The following CA10 variants were observed in gnomAD, a reference collection of about 807,000 sequenced individuals.
CA10 encodes carbonic anhydrase 10 (inactive).
A neutral mutation model predicts 44.2 loss-of-function variants in CA10; 14 were observed. The observed-to-expected ratio is 0.32, with a 90% CI of 0.21 to 0.50. The LOEUF (loss-of-function observed/expected upper bound fraction) is 0.50. Among genes scored for constraint, CA10 ranks in the 20% least tolerant of loss-of-function variants. CA10 has a pLI of 0.99. For synonymous variants in CA10, 159 were observed against 141.6 expected (o/e 1.12, Z -0.87); for missense variants, 350 against 409.7 (o/e 0.85, Z 1.26).
chr17:52,015,105 C>T (rs900697713), intron 2 of CA10, among the ~76,000 whole-genome samples: 7 of 152,020 alleles, frequency 4.6e-5, no homozygotes, highest in Admixed American at 2.6e-4. Flanking sequence ...GATGTACTAA[C>T]GTCAGTGTAG....
chr17:51,946,376 C>G (rs183247), intron 2 of CA10, among the ~76,000 whole-genome samples: 8,714 of 152,240 alleles, frequency 0.057, 369 homozygotes, highest in Non-Finnish European at 0.085. Flanking sequence ...CTTCAATCTA[C>G]TGATCAGATG....
At chr17:51,632,167 C>T (rs1367599283) in intron 8 of CA10, among the ~76,000 whole-genome samples, 1 of 152,126 alleles carries the variant, frequency 6.6e-6, no homozygotes, top group Non-Finnish European at 1.5e-5. Flanking sequence ...GATTTTATGG[C>T]TTCAAAACTT....
chr17:51,826,543 T>C (rs1012005293), intron 3 of CA10, among the ~76,000 whole-genome samples: 1 of 152,198 alleles, frequency 6.6e-6, no homozygotes, highest in Non-Finnish European at 1.5e-5. Flanking sequence ...GATTTAATCA[T>C]GCTTAATTCA....
chr17:52,032,903 T>C (rs918463899), intron 2 of CA10, among the ~76,000 whole-genome samples: 1 of 152,204 alleles, frequency 6.6e-6, no homozygotes, highest in African/African-American at 2.4e-5. Context: ...TCAAAAATTC[T>C]GCAAGGACAA....
intron 1 of CA10, among the ~76,000 whole-genome samples, chr17:52,079,945 G>A (rs1987923788): frequency 6.6e-6 from 1 of 152,140 alleles, no homozygotes; most frequent in African/African-American, 2.4e-5. Flanking sequence ...AACTAGACAG[G>A]ACACTCAGAA....
chr17:51,865,574 A>T (rs1288735375), intron 3 of CA10, among the ~76,000 whole-genome samples: 1 of 152,180 alleles, frequency 6.6e-6, no homozygotes, highest in Non-Finnish European at 1.5e-5. Context: ...GTGGGGGGGA[A>T]CCAATATGCA....
At chr17:51,990,884 T>C (rs1567911245) in intron 2 of CA10, among the ~76,000 whole-genome samples, 1 of 152,060 alleles carries the variant, frequency 6.6e-6, no homozygotes, top group East Asian at 1.9e-4. Context: ...AAAAACCACT[T>C]GTATCATAGA....
At chr17:52,147,581 T>G (rs1314817996) in intron 1 of CA10, among the ~76,000 whole-genome samples, 1 of 149,300 alleles carries the variant, frequency 6.7e-6, no homozygotes, top group Non-Finnish European at 1.5e-5. Flanking sequence ...TAAAACAAAC[T>G]AAAAGGCCAC....
intron 2 of CA10, among the ~76,000 whole-genome samples, chr17:52,058,964 C>G (rs1290309689): frequency 6.6e-6 from 1 of 152,098 alleles, no homozygotes; most frequent in Non-Finnish European, 1.5e-5. Flanking sequence ...TCTGGCACAT[C>G]AGGCTCTGAG....
At chr17:51,929,195 A>C (rs541405983) in intron 3 of CA10, among the ~76,000 whole-genome samples, 2 of 149,014 alleles carry the variant, frequency 1.3e-5, no homozygotes, top group African/African-American at 2.5e-5. Context: ...CTTCTTTCCC[A>C]ATAAATTTTA....
chr17:51,950,624 T>C (rs1598135394), intron 2 of CA10, among the ~76,000 whole-genome samples: 1 of 152,218 alleles, frequency 6.6e-6, no homozygotes, highest in East Asian at 1.9e-4. Flanking sequence ...CTGGAGGAGA[T>C]AGTTCCCTAT....
At chr17:51,945,848 T>C (rs1362856038) in intron 2 of CA10, among the ~76,000 whole-genome samples, 1 of 152,126 alleles carries the variant, frequency 6.6e-6, no homozygotes, top group Non-Finnish European at 1.5e-5. Flanking sequence ...TCACACAGTC[T>C]GAACTGCTCA....
chr17:51,808,085 G>A (rs181167327), intron 3 of CA10, among the ~76,000 whole-genome samples: 4 of 152,288 alleles, frequency 2.6e-5, no homozygotes, highest in African/African-American at 7.2e-5. Context: ...GTAAGACCAG[G>A]TTTAAGAATA....
chr17:51,768,967 G>A (rs910104423), intron 3 of CA10, among the ~76,000 whole-genome samples: 9 of 152,084 alleles, frequency 5.9e-5, no homozygotes, highest in African/African-American at 1.9e-4. Context: ...TTCTCCACAC[G>A]GTTTTTCCAG....
chr17:51,757,442 G>A (rs1056615958), intron 3 of CA10, among the ~76,000 whole-genome samples: 8 of 152,294 alleles, frequency 5.3e-5, no homozygotes, highest in African/African-American at 1.9e-4. Context: ...GACACAGAGT[G>A]GTTGAGTGAG....
chr17:51,889,012 G>A (rs78318450), intron 3 of CA10, among the ~76,000 whole-genome samples: 436 of 152,218 alleles, frequency 2.9e-3, no homozygotes, highest in Non-Finnish European at 4.0e-3. Context: ...GAAGTTGGCC[G>A]GGAGCTCAGC....
intron 3 of CA10, among the ~76,000 whole-genome samples, chr17:51,840,478 TACACACACAC>T (rs3033576): frequency 9.3e-4 from 136 of 146,714 alleles, no homozygotes; most frequent in Middle Eastern, 3.5e-3. Flanking sequence ...CAACCTTTAA[TACACACACAC>T]ACACACACAC....
intron 4 of CA10, among the ~76,000 whole-genome samples, chr17:51,726,597 TA>T (rs1352003460): frequency 2.0e-5 from 3 of 152,158 alleles, no homozygotes; most frequent in Admixed American, 6.5e-5. Flanking sequence ...AAAATATATA[TA>T]AAAAAATCTG....
intron 2 of CA10, among the ~76,000 whole-genome samples, chr17:51,962,998 G>A (rs1184219550): frequency 6.6e-6 from 1 of 151,876 alleles, no homozygotes; most frequent in Non-Finnish European, 1.5e-5. Flanking sequence ...TCTAAAACAA[G>A]GTTAAAAGTC....
Sources: allele counts gnomAD v4.1 joint callset (sites outside exome capture counted in the v4.1 genomes callset), GRCh38; gene constraint gnomAD v4.1.1; transcripts MANE v1.5; gene names NCBI Gene and HGNC (gene_info 2026-07-23, HGNC 2026-07-21).